Variants in FAXC observed in about 807,000 individuals in gnomAD.
FAXC encodes the protein failed axon connections homolog.
FAXC carries 10 observed loss-of-function variants against 41.9 expected under a neutral mutation model. The ratio of observed to expected loss-of-function variants is 0.24; its 90% CI spans 0.15 to 0.41. FAXC has a LOEUF of 0.41. FAXC is among the 10% of genes least tolerant of loss of function. The pLI, the probability that FAXC is intolerant of heterozygous loss-of-function variation, is 1.00. For missense variants in FAXC, 399 were observed against 510.9 expected, an observed-to-expected ratio of 0.78 and a Z score of 2.11; for synonymous variants, 183 against 183.8, an observed-to-expected ratio of 1.00 and a Z score of 0.03.
At chr6:99,339,819 T>C (rs1344175380) in intron 2 of FAXC, among the ~76,000 whole-genome samples, 1 of 151,168 alleles carries the variant, frequency 6.6e-6, no homozygotes, top group Non-Finnish European at 1.5e-5. Context: ...ACATAGAAAA[T>C]AGAAGCAGAG....
chr6:99,338,881 A>G (rs1773315538), intron 2 of FAXC, among the ~76,000 whole-genome samples: 1 of 152,162 alleles, frequency 6.6e-6, no homozygotes, highest in East Asian at 1.9e-4. Flanking sequence ...GTTACCAGTT[A>G]TAAAGATTCC....
chr6:99,308,345 A>T (rs1328871278), intron 4 of FAXC, among the ~76,000 whole-genome samples: 6 of 152,226 alleles, frequency 3.9e-5, no homozygotes, highest in Non-Finnish European at 1.5e-5. Flanking sequence ...AGAATCAGAA[A>T]ATCAGTTTAC....
Position 99,349,124 on chromosome 6 carries a change from G to T in FAXC, c.249C>A (p.His83Gln), listed in dbSNP as rs1398846851. 1 of 1,613,590 alleles carries T rather than the reference G, an allele frequency of 6.2e-7. No individual in the cohort carries two copies. The highest frequency in any genetic ancestry group is 1.3e-5 in the African/African-American group (1 of 75,048). The change falls in exon 1 of 6, where the codon CAC becomes CAA. Residue 83 changes from histidine (H) to glutamine (Q), a missense_variant. By Grantham distance (24) the His-to-Gln change is conservative. This residue lies in a region of FAXC where 239 missense variants were observed against 352.7 expected (regional missense o/e 0.68). Transcript: ENST00000389677. Reference sequence around the variant, plus strand: ...CGGCTCACCTAATGACCAGGAGTTCGTGGAGCAGATACGCAGCTGCGGCCA... The same window carrying T: ...CGGCTCACCTAATGACCAGGAGTTCTTGGAGCAGATACGCAGCTGCGGCCA... ...ALLAAAAYLL[H>Q]ELLVIRKQQE... is the part of the protein sequence containing the mutation.
At chr6:99,293,369 T>A (rs545312778) in intron 4 of FAXC, among the ~76,000 whole-genome samples, 3 of 152,192 alleles carry the variant, frequency 2.0e-5, no homozygotes, top group Admixed American at 6.5e-5. Flanking sequence ...ACAACTTATA[T>A]GTGCTCACCA....
chr6:99,308,322 T>G (rs1772011233), intron 4 of FAXC, among the ~76,000 whole-genome samples: 1 of 152,174 alleles, frequency 6.6e-6, no homozygotes, highest in Non-Finnish European at 1.5e-5. Context: ...TTACAAGTGA[T>G]TAAAGAATCA....
chr6:99,289,689 ATGTGTGTGTGTGTGTG>A (rs58098982), intron 5 of FAXC, among the ~76,000 whole-genome samples: 2 of 146,588 alleles, frequency 1.4e-5, no homozygotes, highest in East Asian at 2.0e-4. Flanking sequence ...ACATATGTAT[ATGTGTGTGTGTGTGTG>A]TGTGTGTGTG....
chr6:99,276,446 G>T lies in FAXC; in HGVS notation c.*4718C>A, dbSNP rs1035877616. ...TCATTTTGATAAATCAATTTTGGGG[G>T]TGGTTAAAAGATAAATGACAAGGAC... On this transcript the variant is annotated 3_prime_UTR_variant, in exon 6 of 6. Transcript: ENST00000389677. 6.6e-6 allele frequency: 1 copy of T among 152,154 alleles called. No homozygotes were observed. The highest frequency in any genetic ancestry group is 1.9e-4 in the East Asian group (1 of 5,202). 9.4% of individuals were successfully genotyped at this position (152,154 alleles called of 1,614,324 possible).
At chr6:99,337,359 C>A (rs1039645239) in intron 2 of FAXC, among the ~76,000 whole-genome samples, 2 of 151,990 alleles carry the variant, frequency 1.3e-5, no homozygotes, top group African/African-American at 4.8e-5. Context: ...GAAACATTTT[C>A]TTTTTTCTTT....
intron 3 of FAXC, among the ~76,000 whole-genome samples, chr6:99,332,347 C>A (rs1773056197): frequency 6.6e-6 from 1 of 152,158 alleles, no homozygotes; most frequent in South Asian, 2.1e-4. Context: ...CATCTGCCTG[C>A]AGATAACAAT....
intron 4 of FAXC, among the ~76,000 whole-genome samples, chr6:99,314,493 G>C (rs1290751047): frequency 2.0e-5 from 3 of 152,172 alleles, no homozygotes; most frequent in Non-Finnish European, 4.4e-5. Flanking sequence ...AGGATCACTT[G>C]AGCCCAGGAG....
intron 5 of FAXC, among the ~76,000 whole-genome samples, chr6:99,286,442 C>A (rs1278334612): frequency 6.6e-6 from 1 of 152,168 alleles, no homozygotes; most frequent in Non-Finnish European, 1.5e-5. Context: ...TATTTACATG[C>A]TGGTCAAGGA....
At chr6:99,335,003 A>C (rs17059400) in intron 2 of FAXC, among the ~76,000 whole-genome samples, 20,270 of 152,120 alleles carry the variant, frequency 0.13, 1,854 homozygotes, top group South Asian at 0.28. Context: ...ACCCTCTGTA[A>C]AGTCCTATAT....
In FAXC at chr6:99,275,556, G is replaced by T. The variant is rs1382864892; in HGVS notation, c.*5608C>A. 1 of 152,156 alleles carries T rather than the reference G, an allele frequency of 6.6e-6. No individual in the cohort carries two copies. The allele number at this position is 152,156 out of a possible 1,614,324, so 9.4% of individuals were successfully genotyped here. ...AGGAGTTTTAGAGGGTCTAGGTCTG[G>T]GGACAAGTTCCTTGCTTCGGCGAAA... On this transcript the variant is annotated 3_prime_UTR_variant, in exon 6 of 6. Transcript: ENST00000389677.
chr6:99,347,335 G>A (rs1004162644), intron 1 of FAXC, among the ~76,000 whole-genome samples: 9 of 151,772 alleles, frequency 5.9e-5, no homozygotes, highest in African/African-American at 2.2e-4. Context: ...CAGGGAGGTG[G>A]AGGTTGCAAT....
At chr6:99,326,981 T>A (rs767448447) in intron 3 of FAXC, among the ~76,000 whole-genome samples, 3 of 152,030 alleles carry the variant, frequency 2.0e-5, no homozygotes, top group Non-Finnish European at 4.4e-5. Flanking sequence ...AGTGCAATGG[T>A]GTGGGATTCT....
chr6:99,283,547 A>G (rs1358773201), intron 5 of FAXC, among the ~76,000 whole-genome samples: 6 of 152,198 alleles, frequency 3.9e-5, no homozygotes, highest in Non-Finnish European at 5.9e-5. Context: ...GTAAAAATCT[A>G]TTCTCTTCTA....
intron 3 of FAXC, among the ~76,000 whole-genome samples, chr6:99,327,673 C>T (rs1217347524): frequency 1.3e-5 from 2 of 152,170 alleles, no homozygotes; most frequent in African/African-American, 4.8e-5. Context: ...CCAGCCCTCT[C>T]TCCTGATATC....
intron 4 of FAXC, among the ~76,000 whole-genome samples, chr6:99,297,759 T>G (rs1425423375): frequency 1.3e-5 from 2 of 152,150 alleles, no homozygotes. Context: ...CTATCCTCCC[T>G]GCCCCAAATA....
At chr6:99,302,312 GTTATTGAATGT>G (rs1771742876) in intron 4 of FAXC, among the ~76,000 whole-genome samples, 3 of 152,210 alleles carry the variant, frequency 2.0e-5, no homozygotes, top group Admixed American at 2.0e-4. Context: ...CATTCATTTT[GTTATTGAATGT>G]TGGGTCATCC....
Sources: allele counts gnomAD v4.1 joint callset (sites outside exome capture counted in the v4.1 genomes callset), GRCh38; gene constraint gnomAD v4.1.1; regional missense constraint gnomAD v4.1.1; transcripts MANE v1.5; gene names NCBI Gene and HGNC (gene_info 2026-07-23, HGNC 2026-07-21).